Variants in TMEM132C observed in about 807,000 individuals in gnomAD.
The protein encoded by TMEM132C is protein phosphatase 1, regulatory subunit 152.
A neutral mutation model predicts 61.4 loss-of-function variants in TMEM132C; 29 were observed. That is an observed-to-expected ratio of 0.47 (90% CI 0.35 to 0.64). TMEM132C has a LOEUF of 0.64. TMEM132C is among the 30% of genes least tolerant of loss of function. The pLI, the probability that TMEM132C is intolerant of heterozygous loss-of-function variation, is 0.00. For missense variants in TMEM132C, 1,408 were observed against 1,476.9 expected (o/e 0.95, Z 0.76); for synonymous variants, 656 against 633.1 (o/e 1.04, Z -0.54).
At chr12:128,550,146 A>G (rs573852461) in intron 3 of TMEM132C, among the ~76,000 whole-genome samples, 4 of 152,282 alleles carry the variant, frequency 2.6e-5, no homozygotes, top group Admixed American at 2.0e-4. Context: ...TTATTTTCTC[A>G]CCATCTGAAT....
At chr12:128,402,383 C>T (rs187151211) in intron 1 of TMEM132C, among the ~76,000 whole-genome samples, 2 of 152,244 alleles carry the variant, frequency 1.3e-5, no homozygotes, top group East Asian at 3.9e-4. Context: ...TTTCCTGATC[C>T]TCTCCCTCCT....
chr12:128,406,584 G>A (rs764042058), intron 1 of TMEM132C, among the ~76,000 whole-genome samples: 48 of 152,290 alleles, frequency 3.2e-4, no homozygotes, highest in Non-Finnish European at 5.6e-4. Flanking sequence ...TCTGGGAACC[G>A]AATGGAAATT....
chr12:128,459,178 A>C (rs1400324568), intron 2 of TMEM132C, among the ~76,000 whole-genome samples: 1 of 152,220 alleles, frequency 6.6e-6, no homozygotes, highest in Non-Finnish European at 1.5e-5. Flanking sequence ...GGAGGTAAGC[A>C]TTCTCTGCAT....
chr12:128,571,792 A>G (rs564483451), intron 3 of TMEM132C, among the ~76,000 whole-genome samples: 1 of 152,348 alleles, frequency 6.6e-6, no homozygotes, highest in African/African-American at 2.4e-5. Context: ...TTCCATTAAG[A>G]GGTGCCTTCT....
chr12:128,277,410 A>G (rs1870729781), intron 1 of TMEM132C, among the ~76,000 whole-genome samples: 1 of 152,194 alleles, frequency 6.6e-6, no homozygotes, highest in Non-Finnish European at 1.5e-5. Context: ...CTGTCCACAC[A>G]GCATACTCAA....
At chr12:128,568,631 C>T (rs200196573) in intron 3 of TMEM132C, among the ~76,000 whole-genome samples, 1 of 152,118 alleles carries the variant, frequency 6.6e-6, no homozygotes, top group Non-Finnish European at 1.5e-5. Context: ...ACACAGCTGG[C>T]AAGTGGCAGA....
chr12:128,665,621 G>GCACACACA (rs139344256), intron 4 of TMEM132C, among the ~76,000 whole-genome samples: 2,098 of 120,250 alleles, frequency 0.017, 67 homozygotes, highest in African/African-American at 0.059. Context: ...CCAAACACAG[G>GCACACACA]CACACACACA....
At chr12:128,574,017 AC>A (rs1156542526) in intron 3 of TMEM132C, among the ~76,000 whole-genome samples, 1 of 152,118 alleles carries the variant, frequency 6.6e-6, no homozygotes, top group Non-Finnish European at 1.5e-5. Context: ...AAAACAGAAT[AC>A]ATGCTTGATG....
chr12:128,601,559 C>G (rs1415090039), intron 3 of TMEM132C, among the ~76,000 whole-genome samples: 1 of 152,136 alleles, frequency 6.6e-6, no homozygotes, highest in African/African-American at 2.4e-5. Context: ...CCCGTGTAAC[C>G]AGGGTGGATG....
chr12:128,472,684 C>T (rs1353350218), intron 2 of TMEM132C, among the ~76,000 whole-genome samples: 1 of 152,188 alleles, frequency 6.6e-6, no homozygotes, highest in African/African-American at 2.4e-5. Context: ...TGGGCTGACA[C>T]CTGGGTTGGG....
intron 2 of TMEM132C, among the ~76,000 whole-genome samples, chr12:128,532,261 G>A (rs1344773598): frequency 6.6e-6 from 1 of 151,918 alleles, no homozygotes; most frequent in African/African-American, 2.4e-5. Flanking sequence ...CCTTTATGAG[G>A]AGCTATGTAT....
chr12:128,405,480 C>T (rs1442378143), intron 1 of TMEM132C, among the ~76,000 whole-genome samples: 1 of 152,098 alleles, frequency 6.6e-6, no homozygotes, highest in Non-Finnish European at 1.5e-5. Flanking sequence ...GTGGGAATTT[C>T]CTGCTTAATT....
In TMEM132C at chr12:128,337,142, C is replaced by T. The variant is rs144199229; in HGVS notation, c.85+69655C>T. The stretch of plus-strand genomic sequence containing the variant: ...ACTGGAAGAGATGGTGTGGGAGTTT[C>T]TTGTTTTCTTCTTCCCTTTTTTTTT... On this transcript the variant is annotated intron_variant, in intron 1 of 8. Transcript: ENST00000435159. Among the ~76,000 whole-genome samples, 24 of 152,016 alleles carry T rather than the reference C, an allele frequency of 1.6e-4. No homozygotes were observed. The South Asian group carries it at 4.4e-3, about 28-fold the overall frequency.
intron 1 of TMEM132C, among the ~76,000 whole-genome samples, chr12:128,389,440 C>A (rs1204037030): frequency 6.6e-6 from 1 of 152,140 alleles, no homozygotes. Flanking sequence ...TCTGTCAGAG[C>A]ACATCATCTT....
chr12:128,530,949 C>A (rs1488130483), intron 2 of TMEM132C, among the ~76,000 whole-genome samples: 2 of 152,122 alleles, frequency 1.3e-5, no homozygotes, highest in Admixed American at 1.3e-4. Context: ...GCTAGCTTGC[C>A]AAATTCCTGA....
At chr12:128,398,759 G>C (rs1033630812) in intron 1 of TMEM132C, among the ~76,000 whole-genome samples, 2 of 152,128 alleles carry the variant, frequency 1.3e-5, no homozygotes, top group African/African-American at 2.4e-5. Flanking sequence ...CAAAGAAGTC[G>C]ATATATGATA....
intron 5 of TMEM132C, among the ~76,000 whole-genome samples, chr12:128,675,805 T>C (rs1954577334): frequency 6.6e-6 from 1 of 151,778 alleles, no homozygotes. Flanking sequence ...AGATAAGTGA[T>C]AGATTAGATA....
intron 3 of TMEM132C, among the ~76,000 whole-genome samples, chr12:128,591,977 G>T (rs977036726): frequency 2.0e-5 from 3 of 149,336 alleles, no homozygotes; most frequent in African/African-American, 4.9e-5. Context: ...GCTTGAACCC[G>T]AGAGGCGGAT....
chr12:128,519,441 A>G (rs1163043560), intron 2 of TMEM132C, among the ~76,000 whole-genome samples: 2 of 152,194 alleles, frequency 1.3e-5, no homozygotes, highest in Admixed American at 6.5e-5. Context: ...CATTGTCCCT[A>G]TATTTGTCCC....
Sources: gnomAD v4.1 joint callset for allele counts (sites outside exome capture counted in the v4.1 genomes callset) on GRCh38, gnomAD v4.1.1 for gene constraint, MANE v1.5 for transcripts, NCBI Gene and HGNC (gene_info 2026-07-23, HGNC 2026-07-21) for gene names.